Variants in NRXN1 observed in about 807,000 individuals in gnomAD.
NRXN1 encodes the protein neurexin 1.
NRXN1 carries 39 observed loss-of-function variants against 150.9 expected under a neutral mutation model. The ratio of observed to expected loss-of-function variants is 0.26; its 90% CI spans 0.20 to 0.34. NRXN1 has a LOEUF of 0.34. Ranked by LOEUF, NRXN1 falls within the 10% of genes least tolerant of loss-of-function variation. NRXN1 has a pLI of 1.00. For synonymous variants in NRXN1, 924 were observed against 757.0 expected (o/e 1.22, Z -3.62); for missense variants, 1,815 against 1,949.9 (o/e 0.93, Z 1.30).
intron 2 of NRXN1, among the ~76,000 whole-genome samples, chr2:51,004,343 C>A (rs2105121957): frequency 6.6e-6 from 1 of 152,004 alleles, no homozygotes. Context: ...CAGTAAGTGC[C>A]ATTTCTGTTT....
chr2:50,102,004 A>G (rs17838395), intron 18 of NRXN1, among the ~76,000 whole-genome samples: 10,309 of 151,946 alleles, frequency 0.068, 486 homozygotes, highest in Admixed American at 0.16. Context: ...CATCCTTAGG[A>G]AAAAAATGTG....
intron 17 of NRXN1, among the ~76,000 whole-genome samples, chr2:50,319,785 G>A (rs1399157873): frequency 6.6e-6 from 1 of 152,016 alleles, no homozygotes; most frequent in East Asian, 1.9e-4. Flanking sequence ...CAAAGAAGCT[G>A]TTTTCTGCTC....
At chr2:50,955,750 T>G (rs1230424699) in intron 2 of NRXN1, among the ~76,000 whole-genome samples, 1 of 152,182 alleles carries the variant, frequency 6.6e-6, no homozygotes, top group Non-Finnish European at 1.5e-5. Context: ...AGAACATATT[T>G]AGAGAAAATG....
chr2:51,019,255 C>G (rs891152052), intron 2 of NRXN1, among the ~76,000 whole-genome samples: 3 of 152,104 alleles, frequency 2.0e-5, no homozygotes, highest in Non-Finnish European at 4.4e-5. Flanking sequence ...AGCAAGTGAT[C>G]TCTTCTAACT....
At chr2:49,983,869 A>C (rs1680422405) in intron 21 of NRXN1, among the ~76,000 whole-genome samples, 1 of 152,160 alleles carries the variant, frequency 6.6e-6, no homozygotes, top group African/African-American at 2.4e-5. Flanking sequence ...TCTCTCTACC[A>C]AAACTGGTAA....
At chr2:50,005,065 A>G (rs1315674191) in intron 21 of NRXN1, among the ~76,000 whole-genome samples, 4 of 152,106 alleles carry the variant, frequency 2.6e-5, no homozygotes, top group African/African-American at 9.7e-5. Flanking sequence ...ATAATAACAA[A>G]TATTCATGAA....
At chr2:50,995,239 C>T (rs575615059) in intron 2 of NRXN1, among the ~76,000 whole-genome samples, 3 of 151,842 alleles carry the variant, frequency 2.0e-5, no homozygotes, top group African/African-American at 7.2e-5. Context: ...GATGAGGACA[C>T]TGAGACACAG....
chr2:50,634,245 ACT>A (rs1682881308), intron 5 of NRXN1, among the ~76,000 whole-genome samples: 1 of 152,130 alleles, frequency 6.6e-6, no homozygotes, highest in South Asian at 2.1e-4. Flanking sequence ...TGGAAAATAA[ACT>A]CTGCGTAGGC....
chr2:50,439,928 G>C (rs1203760366), intron 17 of NRXN1, among the ~76,000 whole-genome samples: 1 of 151,954 alleles, frequency 6.6e-6, no homozygotes, highest in Non-Finnish European at 1.5e-5. Flanking sequence ...AAAATATGCA[G>C]ACTAAAAATC....
intron 5 of NRXN1, among the ~76,000 whole-genome samples, chr2:50,780,802 T>C (rs1704258157): frequency 6.6e-6 from 1 of 152,212 alleles, no homozygotes. Context: ...TCCATTAAAA[T>C]GTTACAAGTC....
At chr2:50,424,630 G>C (rs2084334735) in intron 17 of NRXN1, among the ~76,000 whole-genome samples, 1 of 152,114 alleles carries the variant, frequency 6.6e-6, no homozygotes, top group South Asian at 2.1e-4. Context: ...ATATGTAACA[G>C]TATCAAGCAC....
intron 5 of NRXN1, among the ~76,000 whole-genome samples, chr2:50,711,235 C>G (rs544041969): frequency 6.6e-6 from 1 of 152,034 alleles, no homozygotes; most frequent in Non-Finnish European, 1.5e-5. Context: ...AAACCACATT[C>G]CCAGGACCCA....
intron 15 of NRXN1, among the ~76,000 whole-genome samples, chr2:50,491,673 C>A (rs1270922998): frequency 1.3e-5 from 2 of 152,128 alleles, no homozygotes; most frequent in Non-Finnish European, 2.9e-5. Context: ...CTGGGCTGAC[C>A]TAGATGTGGC....
At chr2:50,001,364 G>C (rs933195744) in intron 21 of NRXN1, among the ~76,000 whole-genome samples, 1 of 152,094 alleles carries the variant, frequency 6.6e-6, no homozygotes, top group Non-Finnish European at 1.5e-5. Flanking sequence ...ATCCCTTCCA[G>C]TTTATCTGAA....
intron 17 of NRXN1, among the ~76,000 whole-genome samples, chr2:50,322,532 T>C (rs2076116006): frequency 6.6e-6 from 1 of 152,186 alleles, no homozygotes; most frequent in African/African-American, 2.4e-5. Flanking sequence ...TGTTTTAGAA[T>C]GATGCTACTC....
rs372248659 is a variant in NRXN1, at chr2:50,610,627, T to A, written c.1320+9395A>T. On this transcript the variant is annotated intron_variant, in intron 8 of 22. Coordinates refer to ENST00000401669, the MANE Select transcript of NRXN1 (RefSeq NM_001330078.2). ...AGTGTCTAGCACAGAGCCTGGCACA[T>A]ACTATAAATAGATACATATATATAT... is the stretch of plus-strand genomic sequence containing the variant. 1.0e-3 allele frequency among the ~76,000 whole-genome samples: 66 copies of A among 62,942 alleles called. 1 individual carries two copies. Among genetic ancestry groups the A allele is most frequent in the Middle Eastern group, 0.026 (2 of 76 alleles). The allele number at this position is 62,942 out of a possible 152,430, so 41.3% of individuals were successfully genotyped here. A position where few individuals can be genotyped will look rare whatever the true frequency, so the allele number is the denominator to read the frequency against.
rs1698469876 is a variant in NRXN1 at position 50,734,426 on chromosome 2, A to G, written c.833-110811T>C. Among the ~76,000 whole-genome samples the G allele has an allele frequency of 2.0e-5, 3 of 152,188 alleles. No homozygotes were observed. The South Asian group carries it at 6.2e-4, about 32-fold the overall frequency. ...TCATCATTTCAAGATAAAATGACTA[A>G]CATGAAACTTTAATAGCCCTCAGTG... On this transcript the variant is annotated intron_variant, in intron 5 of 22. Coordinates refer to ENST00000401669, the MANE Select transcript of NRXN1 (RefSeq NM_001330078.2).
intron 13 of NRXN1, among the ~76,000 whole-genome samples, chr2:50,504,140 T>TAAAAAAAAAAA (rs70948715): frequency 1.8e-5 from 2 of 112,436 alleles, no homozygotes; most frequent in Admixed American, 9.5e-5. Context: ...ACATGACAAC[T>TAAAAAAAAAAA]AAAAAAAAAA....
At chr2:50,109,663 G>A (rs1702122778) in intron 18 of NRXN1, among the ~76,000 whole-genome samples, 1 of 151,996 alleles carries the variant, frequency 6.6e-6, no homozygotes, top group African/African-American at 2.4e-5. Context: ...ATGCTGAGAT[G>A]TCTTGACAGC....
Sources: allele counts gnomAD v4.1 joint callset (sites outside exome capture counted in the v4.1 genomes callset), GRCh38; gene constraint gnomAD v4.1.1; transcripts MANE v1.5; gene names NCBI Gene and HGNC (gene_info 2026-07-23, HGNC 2026-07-21).